The following NT5C3A variants were observed in gnomAD, a reference collection of about 807,000 sequenced individuals.
NT5C3A encodes 5'-nucleotidase, cytosolic IIIA, also known as cytosolic 5'-nucleotidase 3A.
In NT5C3A, 23 loss-of-function variants were observed where a neutral mutation model predicts 40.0. The observed-to-expected ratio is 0.58, with a 90% CI of 0.41 to 0.81. NT5C3A has a LOEUF of 0.81. Ranked by LOEUF, NT5C3A falls within the 40% of genes least tolerant of loss-of-function variation. NT5C3A has a pLI of 0.00. For missense variants in NT5C3A, 328 were observed against 403.0 expected, an observed-to-expected ratio of 0.81 and a Z score of 1.59; for synonymous variants, 130 against 141.4, an observed-to-expected ratio of 0.92 and a Z score of 0.57.
chr7:33,045,097 A>G lies in NT5C3A; in HGVS notation c.138+17471T>C, dbSNP rs576399172. Among the ~76,000 whole-genome samples, 262 of 152,302 alleles carry G rather than the reference A, an allele frequency of 1.7e-3. 1 individual carries two copies. Among genetic ancestry groups the G allele is most frequent in the African/African-American group, 5.6e-3 (233 of 41,576 alleles). ...TATTTTTAAACTTAAATTGGATGACACCCTAGGAAGTTATTCCAAACAAAA... is the reference window on the plus strand; with the variant it reads ...TATTTTTAAACTTAAATTGGATGACGCCCTAGGAAGTTATTCCAAACAAAA... On this transcript the variant is annotated intron_variant, in intron 1 of 8. Coordinates refer to ENST00000610140, the MANE Select transcript of NT5C3A (RefSeq NM_001002010.5).
At chr7:33,041,257 T>A in intron 1 of NT5C3A, 1 of 396,950 alleles carries the variant, frequency 2.5e-6, no homozygotes, top group Non-Finnish European at 3.4e-6. Flanking sequence ...AACTTTTCTG[T>A]ATATTCTATT....
Position 33,061,783 on chromosome 7 carries a change from T to C in NT5C3A, c.138+785A>G, listed in dbSNP as rs559878883. ...ATGCATTTCAGGAAATACATAAGCG[T>C]GCAAGTTTGTGCAAGAATTGTCTTC... On this transcript the variant is annotated intron_variant, in intron 1 of 8. Coordinates refer to ENST00000610140, the MANE Select transcript of NT5C3A (RefSeq NM_001002010.5). Among the ~76,000 whole-genome samples, 57 of 152,318 alleles carry C rather than the reference T, an allele frequency of 3.7e-4. No homozygotes were observed. In the South Asian group the frequency reaches 0.012, roughly 32 times the overall value.
rs750420839 is a variant in NT5C3A, at chr7:33,021,291, A to T, written c.421T>A (p.Tyr141Asn). 1 of 1,612,504 alleles carries T rather than the reference A, an allele frequency of 6.2e-7. No individual in the cohort carries two copies. The highest frequency in any genetic ancestry group is 2.2e-5 in the East Asian group (1 of 44,688). Residue 141 changes from tyrosine to asparagine, a missense_variant, in exon 5 of 9, where the codon TAC (tyrosine) becomes AAC (asparagine). Physicochemically the swap from Tyr to Asn is moderately radical, Grantham distance 143 (BLOSUM62 -2). Around this residue, in one of 3 missense-constraint regions of NT5C3A, gnomAD observed 280 missense variants for 317.2 expected, o/e 0.88. Transcript: ENST00000610140. ...ACTTACCATTCCACCATATAAGGGT[A>T]CTTCTCTTCTACAGTAAGAACAGGA... Reference protein sequence around the residue: ...VDPVLTVEEKYPYMVEWYTKS... With the variant: ...VDPVLTVEEKNPYMVEWYTKS...
chr7:33,037,101 C>T (rs945215407), intron 1 of NT5C3A, among the ~76,000 whole-genome samples: 2 of 152,202 alleles, frequency 1.3e-5, no homozygotes, highest in Non-Finnish European at 2.9e-5. Context: ...TGAGCCACTG[C>T]GCCCGGCCTA....
intron 2 of NT5C3A, among the ~76,000 whole-genome samples, chr7:33,026,282 C>T (rs1785923242): frequency 7.5e-6 from 1 of 133,610 alleles, no homozygotes; most frequent in African/African-American, 2.8e-5. Flanking sequence ...CCAGGAGGAG[C>T]AGGTTGCAGT....
chr7:33,053,344 C>T lies in NT5C3A; in HGVS notation c.138+9224G>A, dbSNP rs562114110. On this transcript the variant is annotated intron_variant, in intron 1 of 8. Transcript: ENST00000610140. ...CTGGGATTACAGGTTTGTGCCACCA[C>T]GCCTGGCTAATTTTTGTATTTTTAG... Among the ~76,000 whole-genome samples the T allele has an allele frequency of 6.6e-5, 10 of 152,158 alleles. No homozygotes were observed. In the East Asian group the frequency reaches 1.8e-3, roughly 27 times the overall value.
intron 1 of NT5C3A, among the ~76,000 whole-genome samples, chr7:33,034,491 T>C (rs575460790): frequency 6.6e-6 from 1 of 152,312 alleles, no homozygotes; most frequent in South Asian, 2.1e-4. Flanking sequence ...CTGGTTTAAT[T>C]CTATGTATCA....
intron 1 of NT5C3A, among the ~76,000 whole-genome samples, chr7:33,054,964 T>G (rs1031892523): frequency 5.3e-5 from 8 of 152,190 alleles, no homozygotes; most frequent in African/African-American, 1.9e-4. Flanking sequence ...GGTGGCTATG[T>G]GTTGAGAGCT....
At chr7:33,027,549 A>G (rs1050361266) in intron 1 of NT5C3A, among the ~76,000 whole-genome samples, 2 of 152,210 alleles carry the variant, frequency 1.3e-5, no homozygotes, top group Non-Finnish European at 2.9e-5. Flanking sequence ...AAAAAAGACA[A>G]TAAAAACTGC....
intron 2 of NT5C3A, 52 bp downstream of exon 2, chr7:33,026,765 A>C: frequency 7.9e-7 from 1 of 1,265,442 alleles, no homozygotes; most frequent in African/African-American, 1.5e-5. Flanking sequence ...AAGTGCTGGA[A>C]TTACAGGCAT....
intron 1 of NT5C3A, among the ~76,000 whole-genome samples, chr7:33,044,457 T>C (rs1787062652): frequency 6.6e-6 from 1 of 152,206 alleles, no homozygotes; most frequent in Non-Finnish European, 1.5e-5. Flanking sequence ...GTTCTTTAAC[T>C]GCACAATGGA....
chr7:33,053,451 G>T (rs1277652178), intron 1 of NT5C3A, among the ~76,000 whole-genome samples: 7 of 152,108 alleles, frequency 4.6e-5, no homozygotes, highest in Non-Finnish European at 8.8e-5. Flanking sequence ...CTCCCAAAGT[G>T]CTGGGATTAC....
At chr7:33,048,755 C>T (rs1787252925) in intron 1 of NT5C3A, among the ~76,000 whole-genome samples, 1 of 152,118 alleles carries the variant, frequency 6.6e-6, no homozygotes, top group South Asian at 2.1e-4. Flanking sequence ...GTGCTAAGTG[C>T]TCAGGTTACA....
At chr7:33,017,401 A>C (rs1165347156) in intron 7 of NT5C3A, 38 bp downstream of exon 7, 1 of 1,461,784 alleles carries the variant, frequency 6.8e-7, no homozygotes, top group Non-Finnish European at 9.5e-7. Context: ...AAATATTTTC[A>C]GATTTTAAAA....
chr7:33,019,750 A>C, intron 5 of NT5C3A, 26 bp from the exon 6 acceptor site: 3 of 1,242,638 alleles, frequency 2.4e-6, no homozygotes, highest in South Asian at 1.2e-5. Flanking sequence ...AAAGGAAAAA[A>C]GACTATCAAT....
At chr7:33,048,478 G>C (rs1787242944) in intron 1 of NT5C3A, among the ~76,000 whole-genome samples, 1 of 152,162 alleles carries the variant, frequency 6.6e-6, no homozygotes, top group Non-Finnish European at 1.5e-5. Context: ...GACCTCATAA[G>C]TTAGTTTTCT....
rs35152276 is a variant in NT5C3A at position 33,046,531 on chromosome 7, CAA to C, written c.138+16035_138+16036del. On this transcript the variant is annotated intron_variant, in intron 1 of 8. Coordinates refer to ENST00000610140, the MANE Select transcript of NT5C3A (RefSeq NM_001002010.5). ...CCTGTGTGACAGGGGGAGGTTGTCT[CAA>C]AAAAAAAAAAATTGCAAAAATCTAG... 8.9e-4 allele frequency among the ~76,000 whole-genome samples: 131 copies of C among 147,512 alleles called. 1 individual carries two copies. The highest frequency in any genetic ancestry group is 1.0e-3 in the Non-Finnish European group (69 of 66,560).
chr7:33,045,512 T>TGCA lies in NT5C3A; in HGVS notation c.138+17053_138+17055dup, dbSNP rs547467785. 1.1e-3 allele frequency among the ~76,000 whole-genome samples: 170 copies of TGCA among 151,708 alleles called. 1 individual carries two copies. Among genetic ancestry groups the TGCA allele is most frequent in the African/African-American group, 3.9e-3 (162 of 41,332 alleles). On this transcript the variant is annotated intron_variant, in intron 1 of 8. Transcript: ENST00000610140. The stretch of plus-strand genomic sequence containing the variant: ...TCTCACTCTGTCACCCAGGCTGGAG[T>TGCA]GCAGTGGCACGATCTCGGCTCACTG...
chr7:33,062,659 C>G lies in NT5C3A; in HGVS notation c.47G>C (p.Ser16Thr), dbSNP rs1354512588. 8.8e-6 allele frequency: 14 copies of G among 1,589,338 alleles called. No individual in the cohort carries two copies. Among genetic ancestry groups the G allele is most frequent in the Non-Finnish European group, 1.2e-5 (14 of 1,169,060 alleles). The change falls in exon 1 of 9, where the codon AGC (serine) becomes ACC (threonine). Residue 16 changes from serine (S) to threonine (T), a missense_variant. Ser to Thr is a moderately conservative substitution (Grantham distance 58, BLOSUM62 1). Coordinates refer to ENST00000610140, the MANE Select transcript of NT5C3A (RefSeq NM_001002010.5). The stretch of plus-strand genomic sequence containing the variant: ...CACCCCCGCCACCAGGGCGCACACG[C>G]TGGCGCTCGCTACCGCGCCCACCCT... ...VARVGAVASA[S>T]VCALVAGVVL...
Sources: allele counts gnomAD v4.1 joint callset (sites outside exome capture counted in the v4.1 genomes callset), GRCh38; gene constraint gnomAD v4.1.1; regional missense constraint gnomAD v4.1.1; transcripts MANE v1.5; gene names NCBI Gene and HGNC (gene_info 2026-07-23, HGNC 2026-07-21).